Variants in MGAM observed in about 807,000 individuals in gnomAD.
MGAM encodes alpha-1,4-glucosidase.
MGAM carries 253 observed loss-of-function variants against 358.8 expected under a neutral mutation model. That is an observed-to-expected ratio of 0.71 (90% CI 0.64 to 0.78). The LOEUF is 0.78. Ranked by LOEUF, MGAM falls within the 30% of genes least tolerant of loss-of-function variation. The pLI is 0.00. For synonymous variants in MGAM, 1,105 were observed against 1,227.1 expected (o/e 0.90, Z 2.08); for missense variants, 3,080 against 3,432.6 (o/e 0.90, Z 2.57).
Position 142,082,302 on chromosome 7 carries a change from C to T in MGAM, c.6171+92C>T, listed in dbSNP as rs185232015. ...TTCATCTTCCCAAACTCCACTTGGTCGTCACATTCTGCTTTTAGGCGAGTG... is the reference window on the plus strand; with the variant it reads ...TTCATCTTCCCAAACTCCACTTGGTTGTCACATTCTGCTTTTAGGCGAGTG... On this transcript the variant is annotated intron_variant, in intron 51 of 70. Transcript: ENST00000475668. The T allele has an allele frequency of 6.9e-5, 98 of 1,430,554 alleles. 5 individuals carry two copies. In the African/African-American group the frequency reaches 1.1e-3, roughly 16 times the overall value. The allele number at this position is 1,430,554 out of a possible 1,614,324, so 88.6% of individuals were successfully genotyped here.
chr7:142,093,032 T>C lies in MGAM; in HGVS notation c.7034-380T>C, dbSNP rs1382056937. Among the ~76,000 whole-genome samples the C allele has an allele frequency of 2.0e-5, 3 of 146,580 alleles. 1 individual carries two copies. Among genetic ancestry groups the C allele is most frequent in the Non-Finnish European group, 4.6e-5 (3 of 64,790 alleles). On this transcript the variant is annotated intron_variant, in intron 59 of 70. Coordinates refer to ENST00000475668, the MANE Select transcript of MGAM (RefSeq NM_001365693.1). Reference sequence around the variant, plus strand: ...CCAGAAATTGTTCTCTCTAGGAGTTTTGTGACTTTTCACAGATTATGCGAT... The same window carrying C: ...CCAGAAATTGTTCTCTCTAGGAGTTCTGTGACTTTTCACAGATTATGCGAT...
In MGAM at chr7:142,043,514, A is replaced by G. The variant is rs1422167325; in HGVS notation, c.2498+2668A>G. Among the ~76,000 whole-genome samples, 2 of 91,764 alleles carry G rather than the reference A, an allele frequency of 2.2e-5. 1 individual carries two copies. The highest frequency in any genetic ancestry group is 3.5e-5 in the Non-Finnish European group (2 of 57,298). 60.2% of individuals were successfully genotyped at this position (91,764 alleles called of 152,430 possible). A position where few individuals can be genotyped will look rare whatever the true frequency, so the allele number is the denominator to read the frequency against. Reference sequence around the variant, plus strand: ...TAATATATATATTATATATACATATAATATCTAAATATAATATGAATTATA... The same window carrying G: ...TAATATATATATTATATATACATATGATATCTAAATATAATATGAATTATA... On this transcript the variant is annotated intron_variant, in intron 21 of 70. Coordinates refer to ENST00000475668, the MANE Select transcript of MGAM (RefSeq NM_001365693.1).
chr7:142,045,628 A>G (rs1456361673), intron 21 of MGAM, among the ~76,000 whole-genome samples: 20 of 102,690 alleles, frequency 1.9e-4, no homozygotes, highest in African/African-American at 8.2e-4. Flanking sequence ...TACATACAAT[A>G]TATGAATATA....
chr7:141,998,631 C>A (rs1368856846), intron 1 of MGAM, among the ~76,000 whole-genome samples: 2 of 152,100 alleles, frequency 1.3e-5, no homozygotes, highest in African/African-American at 4.8e-5. Context: ...GTATATGTGC[C>A]ACATTTTGTT....
intron 7 of MGAM, among the ~76,000 whole-genome samples, chr7:142,023,021 T>C (rs1554459569): frequency 6.6e-6 from 1 of 152,158 alleles, no homozygotes; most frequent in African/African-American, 2.4e-5. Context: ...GTTTTCTGGA[T>C]TTGGCAATAC....
chr7:142,078,454 G>C lies in MGAM; in HGVS notation c.5630G>C (p.Arg1877Pro). Residue 1877 changes from arginine to proline, a missense_variant, in exon 48 of 71, where the codon CGT becomes CCT. Around this residue, in one of 5 missense-constraint regions of MGAM, gnomAD observed 932 missense variants for 1,198.2 expected, o/e 0.78. Coordinates refer to ENST00000475668, the MANE Select transcript of MGAM (RefSeq NM_001365693.1). ...NGDSAENCTA[R>P]GCIWEASNSS... Reference sequence around the variant, plus strand: ...GATTCTGCAGAAAACTGCACTGCCCGTGGCTGTATCTGGGAGGTAACCATG... The same window carrying C: ...GATTCTGCAGAAAACTGCACTGCCCCTGGCTGTATCTGGGAGGTAACCATG... 3 of 1,544,520 alleles carry C rather than the reference G, an allele frequency of 1.9e-6. No individual in the cohort carries two copies. The highest frequency in any genetic ancestry group is 2.7e-6 in the Non-Finnish European group (3 of 1,126,590).
At position 142,085,166 on chromosome 7, in the gene MGAM, G is replaced by T. The variant is rs754725168; in HGVS notation, c.6507+522G>T. Among the ~76,000 whole-genome samples, 7 of 146,546 alleles carry T rather than the reference G, an allele frequency of 4.8e-5. 1 individual carries two copies. Among genetic ancestry groups the T allele is most frequent in the Non-Finnish European group, 1.1e-4 (7 of 64,678 alleles). On this transcript the variant is annotated intron_variant, in intron 54 of 70. Coordinates refer to ENST00000475668, the MANE Select transcript of MGAM (RefSeq NM_001365693.1). Reference sequence around the variant, plus strand: ...CAGAGGATGTACACATGGAAATAAAGCTTATCCTTCACTGGAGGATGGGAG... The same window carrying T: ...CAGAGGATGTACACATGGAAATAAATCTTATCCTTCACTGGAGGATGGGAG...
chr7:142,060,474 C>T (rs1454243428), intron 34 of MGAM, 101 bp downstream of exon 34: 18 of 1,393,784 alleles, frequency 1.3e-5, no homozygotes, highest in Non-Finnish European at 1.8e-5. Context: ...ATGGGCTTGG[C>T]AAGGGAGAAA....
At chr7:142,019,743 T>C (rs1554457733) in intron 4 of MGAM, among the ~76,000 whole-genome samples, 1 of 152,030 alleles carries the variant, frequency 6.6e-6, no homozygotes, top group Non-Finnish European at 1.5e-5. Context: ...GTTCATGGAG[T>C]GAATAGCCCC....
At position 142,091,532 on chromosome 7, in the gene MGAM, C is replaced by T. The variant is rs995265283; in HGVS notation, c.6811-381C>T. Among the ~76,000 whole-genome samples the T allele has an allele frequency of 1.4e-3, 204 of 145,788 alleles. 27 individuals are homozygous for T. Among genetic ancestry groups the T allele is most frequent in the Non-Finnish European group, 1.5e-4 (10 of 64,532 alleles). On this transcript the variant is annotated intron_variant, in intron 57 of 70. Transcript: ENST00000475668. ...GGAGTCCCTGGGTGTTTCTTCCTAA[C>T]CTATTACCATGCATCTCATGTCTGC...
intron 16 of MGAM, among the ~76,000 whole-genome samples, chr7:142,035,418 A>G (rs1487762062): frequency 1.3e-5 from 2 of 152,202 alleles, no homozygotes; most frequent in East Asian, 3.8e-4. Context: ...AAAGACCAAC[A>G]GGGACGTATG....
At chr7:142,055,172 A>G (rs1811382043) in intron 27 of MGAM, among the ~76,000 whole-genome samples, 1 of 152,198 alleles carries the variant, frequency 6.6e-6, no homozygotes, top group African/African-American at 2.4e-5. Flanking sequence ...CCTTATACAC[A>G]GCTGAGGTTT....
intron 9 of MGAM, among the ~76,000 whole-genome samples, 175 bp downstream of exon 9, chr7:142,027,402 A>G (rs531806271): frequency 6.6e-6 from 1 of 152,350 alleles, no homozygotes; most frequent in South Asian, 2.1e-4. Context: ...TTTATGTTAT[A>G]AGAAGGTGAG....
intron 21 of MGAM, among the ~76,000 whole-genome samples, chr7:142,045,401 T>TA (rs1563157753): frequency 6.1e-5 from 3 of 48,950 alleles, no homozygotes; most frequent in Non-Finnish European, 1.3e-4. Context: ...ACATGATATA[T>TA]TATATATATT....
At chr7:142,022,236 C>G (rs1806529464) in intron 6 of MGAM, 32 bp from the exon 7 acceptor site, 1 of 1,568,482 alleles carries the variant, frequency 6.4e-7, no homozygotes, top group African/African-American at 1.4e-5. Context: ...CCTGCTTGCT[C>G]ACCCATCCTT....
chr7:142,049,947 G>T (rs1810778145), intron 22 of MGAM, among the ~76,000 whole-genome samples: 1 of 152,168 alleles, frequency 6.6e-6, no homozygotes, highest in African/African-American at 2.4e-5. Context: ...ACTTCTGGGT[G>T]TATATCCAGA....
At chr7:142,085,770 G>T in intron 54 of MGAM, 63 bp from the exon 55 acceptor site, 1 of 1,502,100 alleles carries the variant, frequency 6.7e-7, no homozygotes, top group Non-Finnish European at 9.1e-7. Context: ...GTGGAGGCTT[G>T]TTCTCCTATA....
Position 142,029,937 on chromosome 7 carries a change from CAA to C in MGAM, c.1222-422_1222-421del, listed in dbSNP as rs555925220. On this transcript the variant is annotated intron_variant, in intron 10 of 70. Coordinates refer to ENST00000475668, the MANE Select transcript of MGAM (RefSeq NM_001365693.1). ...AAGATGTGGGGTAGAAGCGAAGTAA[CAA>C]AATAAAATGTGGGGTAGTAAAATGA... 1.9e-3 allele frequency among the ~76,000 whole-genome samples: 292 copies of C among 152,212 alleles called. 3 individuals carry two copies. The highest frequency in any genetic ancestry group is 6.6e-3 in the African/African-American group (274 of 41,540).
chr7:142,100,717 T>G (rs1182668228), intron 67 of MGAM, 85 bp from the exon 68 acceptor site: 1 of 1,182,380 alleles, frequency 8.5e-7, no homozygotes, highest in Non-Finnish European at 1.2e-6. Flanking sequence ...GCACTTCCCT[T>G]TGCTGCTTTA....
Sources: allele counts gnomAD v4.1 joint callset (sites outside exome capture counted in the v4.1 genomes callset), GRCh38; gene constraint gnomAD v4.1.1; regional missense constraint gnomAD v4.1.1; transcripts MANE v1.5; gene names NCBI Gene and HGNC (gene_info 2026-07-23, HGNC 2026-07-21).